The following PDE6D variants were observed in gnomAD, a reference collection of about 807,000 sequenced individuals.
PDE6D encodes the protein retinal rod rhodopsin-sensitive cGMP 3',5'-cyclic phosphodiesterase subunit delta.
In PDE6D, 10 loss-of-function variants were observed where a neutral mutation model predicts 21.9. That is an observed-to-expected ratio of 0.46 (90% confidence interval 0.28 to 0.78). The LOEUF is 0.78. Ranked by LOEUF, PDE6D falls within the 30% of genes least tolerant of loss-of-function variation. The probability of loss-of-function intolerance (pLI) is 0.12; values close to 1 mark genes in which losing one functional copy is unlikely to be tolerated. For synonymous variants in PDE6D, 59 were observed against 63.5 expected (o/e 0.93, Z 0.34); for missense variants, 139 against 184.8 (o/e 0.75, Z 1.44).
At chr2:231,737,929 G>T in intron 3 of PDE6D, 84 bp downstream of exon 3, 2 of 1,269,096 alleles carry the variant, frequency 1.6e-6, no homozygotes, top group Non-Finnish European at 2.2e-6. Flanking sequence ...TGTTATCAAA[G>T]CACTGCTTTA....
At chr2:231,774,179 C>T (rs557464177) in intron 1 of PDE6D, among the ~76,000 whole-genome samples, 1 of 152,208 alleles carries the variant, frequency 6.6e-6, no homozygotes, top group African/African-American at 2.4e-5. Flanking sequence ...GTGATCCACC[C>T]ACCTCGGCCT....
chr2:231,736,355 C>G (rs1360643472), intron 4 of PDE6D, among the ~76,000 whole-genome samples: 1 of 151,958 alleles, frequency 6.6e-6, no homozygotes. Flanking sequence ...GGTCTGCTAC[C>G]CAGGCTGGAA....
At chr2:231,771,881 G>A (rs775301216) in intron 1 of PDE6D, among the ~76,000 whole-genome samples, 2 of 152,218 alleles carry the variant, frequency 1.3e-5, no homozygotes, top group Admixed American at 1.3e-4. Flanking sequence ...GCTGGAAAAG[G>A]ATTTGAGTAT....
intron 1 of PDE6D, among the ~76,000 whole-genome samples, chr2:231,775,899 T>A (rs1416401282): frequency 1.3e-5 from 2 of 152,198 alleles, no homozygotes; most frequent in African/African-American, 4.8e-5. Flanking sequence ...TTAAAGATAA[T>A]GAAATCATAA....
At chr2:231,737,063 G>C in intron 4 of PDE6D, 124 bp downstream of exon 4, 1 of 526,548 alleles carries the variant, frequency 1.9e-6, no homozygotes, top group Non-Finnish European at 3.4e-6. Context: ...AGATACCCTT[G>C]GATACTCTTT....
chr2:231,751,442 A>C (rs2048839486), intron 1 of PDE6D, among the ~76,000 whole-genome samples: 1 of 152,258 alleles, frequency 6.6e-6, no homozygotes, highest in African/African-American at 2.4e-5. Context: ...CACTATGCCC[A>C]GCCAAGAACA....
chr2:231,739,256 C>T lies in PDE6D; in HGVS notation c.51-68G>A, dbSNP rs780865835. ...CTCCCACTTTGTATTCTAGGTGTCT[C>T]ATGTTTACTCCCACCAACTCTTGTT... is the stretch of plus-strand genomic sequence containing the variant. On this transcript the variant is annotated intron_variant, in intron 1 of 4. Transcript: ENST00000287600. The surrounding 1 kb of genome is among the most constrained non-coding windows in gnomAD (Gnocchi z 4.2). 9 of 929,098 alleles carry T rather than the reference C, an allele frequency of 9.7e-6. No individual in the cohort carries two copies. The East Asian group carries it at 2.2e-4, about 22-fold the overall frequency. The allele number at this position is 929,098 out of a possible 1,614,324, so 57.6% of individuals were successfully genotyped here. A position where few individuals can be genotyped will look rare whatever the true frequency, so the allele number is the denominator to read the frequency against.
chr2:231,776,569 A>G, intron 1 of PDE6D, among the ~76,000 whole-genome samples: 1 of 152,240 alleles, frequency 6.6e-6, no homozygotes, highest in East Asian at 1.9e-4. Flanking sequence ...GGAAAATTAA[A>G]TAGAATTTTA....
chr2:231,746,183 C>T (rs1400672608), intron 1 of PDE6D, among the ~76,000 whole-genome samples: 1 of 151,970 alleles, frequency 6.6e-6, no homozygotes, highest in Non-Finnish European at 1.5e-5. Flanking sequence ...AATCTGTTGT[C>T]CAGGCTGGAG....
intron 1 of PDE6D, among the ~76,000 whole-genome samples, chr2:231,745,249 C>G (rs1291786125): frequency 1.3e-5 from 2 of 151,636 alleles, no homozygotes; most frequent in Non-Finnish European, 2.9e-5. Flanking sequence ...ACCGAGGAAA[C>G]ATTTGGCTAA....
At chr2:231,748,578 T>G (rs1026504126) in intron 1 of PDE6D, among the ~76,000 whole-genome samples, 1 of 152,196 alleles carries the variant, frequency 6.6e-6, no homozygotes, top group Non-Finnish European at 1.5e-5. Flanking sequence ...CTGCAGAAAT[T>G]TGCATAAGTA....
chr2:231,734,383 G>A (rs1210208780), intron 4 of PDE6D, among the ~76,000 whole-genome samples: 1 of 149,366 alleles, frequency 6.7e-6, no homozygotes, highest in African/African-American at 2.5e-5. Context: ...GAGCGAGACC[G>A]TCTCAAAAAA....
At chr2:231,780,897 C>G (rs907346424) in intron 1 of PDE6D, among the ~76,000 whole-genome samples, 168 bp downstream of exon 1, 41 of 152,336 alleles carry the variant, frequency 2.7e-4, no homozygotes, top group African/African-American at 8.9e-4. Flanking sequence ...TGGGGCGCCT[C>G]TCGCGCCGGG....
At chr2:231,764,434 A>G (rs2048954505) in intron 1 of PDE6D, among the ~76,000 whole-genome samples, 1 of 152,254 alleles carries the variant, frequency 6.6e-6, no homozygotes, top group Admixed American at 6.5e-5. Flanking sequence ...CAGAAAGTTT[A>G]GGCTTTGTAA....
intron 1 of PDE6D, among the ~76,000 whole-genome samples, chr2:231,771,102 C>A (rs1354866888): frequency 2.7e-5 from 4 of 148,512 alleles, no homozygotes; most frequent in Non-Finnish European, 5.9e-5. Context: ...TTTTGAGCAA[C>A]CTCTGCCTCC....
intron 1 of PDE6D, among the ~76,000 whole-genome samples, chr2:231,760,253 T>C (rs1428846120): frequency 6.6e-6 from 1 of 152,180 alleles, no homozygotes; most frequent in Non-Finnish European, 1.5e-5. Context: ...TACACATCGC[T>C]TAGGTATATG....
At chr2:231,762,957 G>T (rs764205208) in intron 1 of PDE6D, among the ~76,000 whole-genome samples, 10 of 151,774 alleles carry the variant, frequency 6.6e-5, no homozygotes, top group Non-Finnish European at 1.3e-4. Context: ...GAAAAGAAAA[G>T]AAAATTGCAG....
At chr2:231,749,966 T>C (rs2048824795) in intron 1 of PDE6D, among the ~76,000 whole-genome samples, 1 of 152,154 alleles carries the variant, frequency 6.6e-6, no homozygotes, top group African/African-American at 2.4e-5. Context: ...GGCAGAATGA[T>C]ATGGTTTGGC....
chr2:231,733,631 T>C (rs1411727210), intron 4 of PDE6D, among the ~76,000 whole-genome samples: 5 of 152,156 alleles, frequency 3.3e-5, no homozygotes, highest in Admixed American at 3.3e-4. Context: ...GCAAGATCCT[T>C]CCTGTAGCTT....
Sources: gnomAD v4.1 joint callset for allele counts (sites outside exome capture counted in the v4.1 genomes callset) on GRCh38, gnomAD v4.1.1 for gene constraint, Gnocchi (gnomAD v3.1) non-coding constraint, MANE v1.5 for transcripts, NCBI Gene and HGNC (gene_info 2026-07-23, HGNC 2026-07-21) for gene names.